The following SOX6 variants were observed in gnomAD, a reference collection of about 807,000 sequenced individuals.
SOX6 encodes SRY-box transcription factor 6.
In SOX6, 11 loss-of-function variants were observed where a neutral mutation model predicts 97.8. That is an observed-to-expected ratio of 0.11 (90% CI 0.07 to 0.19). SOX6 has a LOEUF of 0.19. Ranked by LOEUF, SOX6 falls within the 10% of genes least tolerant of loss-of-function variation. The pLI, the probability that SOX6 is intolerant of heterozygous loss-of-function variation, is 1.00. For synonymous variants in SOX6, 360 were observed against 371.4 expected, an observed-to-expected ratio of 0.97 and a Z score of 0.35; for missense variants, 810 against 1,039.5, an observed-to-expected ratio of 0.78 and a Z score of 3.04.
chr11:16,711,707 C>T (rs1331915690), intron 3 of SOX6, among the ~76,000 whole-genome samples: 6 of 151,860 alleles, frequency 4.0e-5, no homozygotes, highest in African/African-American at 1.5e-4. Context: ...TTTTTCTCAG[C>T]TCAAAATGTT....
chr11:16,358,727 G>C (rs907135665), upstream of SOX6, among the ~76,000 whole-genome samples: 1 of 152,100 alleles, frequency 6.6e-6, no homozygotes, highest in East Asian at 1.9e-4. Flanking sequence ...GGTTTGACCT[G>C]AAAGAGAAAG....
chr11:16,314,364 C>A (rs987294763), intron 3 of SOX6: 4 of 152,118 alleles, frequency 2.6e-5, no homozygotes, highest in Admixed American at 1.3e-4. Flanking sequence ...CCCTACAGAA[C>A]CTTCCAATGG....
intron 6 of SOX6, among the ~76,000 whole-genome samples, chr11:16,144,031 CA>C (rs1318531786): frequency 6.6e-5 from 10 of 152,160 alleles, no homozygotes; most frequent in Non-Finnish European, 1.3e-4. Flanking sequence ...CTCTCCACCC[CA>C]AATCAACAGA....
intron 3 of SOX6, among the ~76,000 whole-genome samples, chr11:16,648,591 T>G (rs1849047922): frequency 6.6e-6 from 1 of 152,144 alleles, no homozygotes; most frequent in African/African-American, 2.4e-5. Flanking sequence ...TTACAACAAC[T>G]CATTACAGAA....
intron 3 of SOX6, among the ~76,000 whole-genome samples, chr11:16,301,041 C>G (rs1345651696): frequency 1.3e-5 from 2 of 152,164 alleles, no homozygotes; most frequent in African/African-American, 4.8e-5. Context: ...TGGCCCCCAA[C>G]ACTATCACTC....
chr11:16,153,097 C>G (rs1273047200), intron 6 of SOX6, among the ~76,000 whole-genome samples: 1 of 152,112 alleles, frequency 6.6e-6, no homozygotes, highest in Non-Finnish European at 1.5e-5. Context: ...TATCTCTTAA[C>G]CTTGTGATCC....
chr11:16,531,904 T>C (rs746164971), intron 4 of SOX6, among the ~76,000 whole-genome samples: 2 of 151,958 alleles, frequency 1.3e-5, no homozygotes, highest in African/African-American at 4.8e-5. Context: ...TTTTTCCTCA[T>C]GACATCCAAT....
intron 4 of SOX6, among the ~76,000 whole-genome samples, chr11:16,188,540 T>C (rs1361884671): frequency 6.6e-6 from 1 of 152,130 alleles, no homozygotes; most frequent in Non-Finnish European, 1.5e-5. Flanking sequence ...ATCCATAAGA[T>C]CTCTTGAAAA....
intron 4 of SOX6, among the ~76,000 whole-genome samples, chr11:16,604,485 C>T (rs1334516726): frequency 6.6e-6 from 1 of 152,186 alleles, no homozygotes; most frequent in Non-Finnish European, 1.5e-5. Flanking sequence ...GCTGGCTGGG[C>T]CGTGCAGCCA....
chr11:16,167,484 C>T (rs1850917477), intron 6 of SOX6, among the ~76,000 whole-genome samples: 1 of 152,160 alleles, frequency 6.6e-6, no homozygotes, highest in South Asian at 2.1e-4. Flanking sequence ...GCCGTTCTTT[C>T]CAATGGTCTC....
chr11:16,551,674 G>A (rs7942856), intron 4 of SOX6, among the ~76,000 whole-genome samples: 37,440 of 151,902 alleles, frequency 0.25, 5,112 homozygotes, highest in East Asian at 0.48. Flanking sequence ...TGCAACCTTG[G>A]CTCACTTCAA....
At chr11:16,523,178 A>AT (rs148915096) in intron 4 of SOX6, among the ~76,000 whole-genome samples, 16 of 151,744 alleles carry the variant, frequency 1.1e-4, no homozygotes, top group African/African-American at 3.4e-4. Context: ...CAGAATATAC[A>AT]TTTTTTTTCA....
chr11:16,429,941 TG>T (rs1859238792), intron 1 of SOX6, among the ~76,000 whole-genome samples: 1 of 152,198 alleles, frequency 6.6e-6, no homozygotes, highest in South Asian at 2.1e-4. Context: ...AATCTGACCT[TG>T]GGCAAGTCAC....
rs565662683 is a variant in SOX6, at chr11:16,031,469, G to C, written c.1623+15045C>G. On this transcript the variant is annotated intron_variant, in intron 12 of 15. Coordinates refer to ENST00000683767, the MANE Select transcript of SOX6 (RefSeq NM_001367873.1). ...TTTCATATATGGTTAATTCTTATGC[G>C]GCTTTAGAGGACTTATCATTGGAGA... is the stretch of plus-strand genomic sequence containing the variant. 6 of 152,106 alleles carry C rather than the reference G, an allele frequency of 3.9e-5. No homozygotes were observed. In the East Asian group the frequency reaches 1.2e-3, roughly 29 times the overall value. 9.4% of individuals were successfully genotyped at this position (152,106 alleles called of 1,614,324 possible).
In SOX6 at chr11:16,689,014, C is replaced by A. The variant is rs117849757; in HGVS notation, n.429+25816G>T. ...ATTTTGCCTCCCTACTGAGGCCAAC[C>A]ACTTCTGAGTTTTCTACCTTATGCC... On this transcript the variant is annotated intron_variant and non_coding_transcript_variant, in intron 3 of 5. Coordinates refer to the SOX6 transcript ENST00000524520. 3.1e-3 allele frequency among the ~76,000 whole-genome samples: 471 copies of A among 152,256 alleles called. 15 individuals carry two copies. In the East Asian group the frequency reaches 0.053, roughly 17 times the overall value.
intron 3 of SOX6, among the ~76,000 whole-genome samples, chr11:16,273,906 T>C (rs1002694384): frequency 2.0e-5 from 3 of 152,042 alleles, no homozygotes; most frequent in Admixed American, 6.6e-5. Context: ...TAAATTCATA[T>C]ACATATAGAA....
intron 3 of SOX6, among the ~76,000 whole-genome samples, chr11:16,262,999 C>G (rs753322960): frequency 1.3e-5 from 2 of 151,884 alleles, no homozygotes; most frequent in Non-Finnish European, 2.9e-5. Flanking sequence ...GCCAAGTTAT[C>G]CACCGCCAGA....
chr11:16,362,918 C>T (rs892581748), intron 1 of SOX6, among the ~76,000 whole-genome samples: 1 of 152,178 alleles, frequency 6.6e-6, no homozygotes, highest in Non-Finnish European at 1.5e-5. Context: ...TGTGATACTT[C>T]TAGTCATAGA....
At position 16,443,314 on chromosome 11, in the gene SOX6, A is replaced by G. The variant is rs567300457; in HGVS notation, c.-5+33001T>C. Among the ~76,000 whole-genome samples the G allele has an allele frequency of 3.3e-5, 5 of 152,306 alleles. No homozygotes were observed. The East Asian group carries it at 9.7e-4, about 29-fold the overall frequency. On this transcript the variant is annotated intron_variant, in intron 1 of 15. Transcript: ENST00000396356. ...TTTAAGTTAACTTAAAACTAACTTTAGTATGCTATTCACATTTACATCTCA... is the reference window on the plus strand; with the variant it reads ...TTTAAGTTAACTTAAAACTAACTTTGGTATGCTATTCACATTTACATCTCA...
Sources: allele counts gnomAD v4.1 joint callset (sites outside exome capture counted in the v4.1 genomes callset), GRCh38; gene constraint gnomAD v4.1.1; transcripts MANE v1.5; gene names NCBI Gene and HGNC (gene_info 2026-07-23, HGNC 2026-07-21).